SLC39A11: variants seen among roughly 807,000 people sequenced by gnomAD.
SLC39A11 encodes solute carrier family 39 member 11.
SLC39A11 carries 33 observed loss-of-function variants against 36.1 expected under a neutral mutation model. The observed-to-expected ratio is 0.91, with a 90% CI of 0.69 to 1.22. The LOEUF (loss-of-function observed/expected upper bound fraction) is 1.22, where lower values mean the gene tolerates loss of function less well. Ranked by LOEUF, SLC39A11 falls within the 50% of genes most tolerant of loss-of-function variation. SLC39A11 has a pLI of 0.00. For missense variants in SLC39A11, 432 were observed against 430.3 expected (o/e 1.00, Z -0.03); for synonymous variants, 166 against 170.3 (o/e 0.97, Z 0.20).
chr17:72,968,876 C>T (rs185144823), intron 4 of SLC39A11, among the ~76,000 whole-genome samples: 14 of 152,142 alleles, frequency 9.2e-5, no homozygotes, highest in Middle Eastern at 3.4e-3. Flanking sequence ...TTTCTTTTGG[C>T]TAATTTCCCA....
chr17:72,707,900 T>C (rs772086893), intron 7 of SLC39A11, among the ~76,000 whole-genome samples: 2 of 152,256 alleles, frequency 1.3e-5, no homozygotes, highest in Non-Finnish European at 2.9e-5. Context: ...AAGGGTTTTA[T>C]CAGTAAGAGG....
intron 5 of SLC39A11, among the ~76,000 whole-genome samples, chr17:72,906,691 A>G (rs1350550579): frequency 1.3e-5 from 2 of 152,236 alleles, no homozygotes; most frequent in African/African-American, 4.8e-5. Flanking sequence ...AATCAGCATA[A>G]CATCCACTGG....
chr17:72,987,210 GCTTCTTGAGGCC>G (rs1229415317), intron 4 of SLC39A11, among the ~76,000 whole-genome samples: 1 of 152,200 alleles, frequency 6.6e-6, no homozygotes. Context: ...ATGATTGGAA[GCTTCTTGAGGCC>G]CTCCCCAGAA....
intron 7 of SLC39A11, among the ~76,000 whole-genome samples, chr17:72,708,130 T>C (rs2072967170): frequency 6.6e-6 from 1 of 152,236 alleles, no homozygotes; most frequent in African/African-American, 2.4e-5. Context: ...AATTCTCATG[T>C]GTGATGGTTA....
intron 7 of SLC39A11, among the ~76,000 whole-genome samples, chr17:72,728,253 C>T (rs1182459858): frequency 2.6e-5 from 4 of 152,072 alleles, no homozygotes; most frequent in Admixed American, 1.3e-4. Context: ...TGGAGGCCAG[C>T]CTGGGCAAAC....
intron 6 of SLC39A11, among the ~76,000 whole-genome samples, chr17:72,814,744 G>A (rs2077530591): frequency 6.6e-6 from 1 of 152,184 alleles, no homozygotes; most frequent in Non-Finnish European, 1.5e-5. Flanking sequence ...CCTGGGGCTG[G>A]GGGGACCCCA....
chr17:72,695,344 C>A (rs562305077), intron 7 of SLC39A11, among the ~76,000 whole-genome samples: 37 of 152,306 alleles, frequency 2.4e-4, no homozygotes, highest in Non-Finnish European at 4.7e-4. Flanking sequence ...TCTGCTCATC[C>A]AGGGAATAAG....
intron 5 of SLC39A11, among the ~76,000 whole-genome samples, chr17:72,932,292 T>TTTATTA (rs544893367): frequency 6.9e-6 from 1 of 144,372 alleles, no homozygotes; most frequent in Non-Finnish European, 1.5e-5. Flanking sequence ...GACCTGTTCT[T>TTTATTA]TTATTATTAT....
At chr17:72,867,668 G>C (rs2080370524) in intron 5 of SLC39A11, among the ~76,000 whole-genome samples, 1 of 151,934 alleles carries the variant, frequency 6.6e-6, no homozygotes, top group Non-Finnish European at 1.5e-5. Flanking sequence ...AAAATACGAG[G>C]AAGGAGTATA....
At chr17:73,004,748 A>G (rs922660956) in intron 4 of SLC39A11, among the ~76,000 whole-genome samples, 2 of 152,210 alleles carry the variant, frequency 1.3e-5, no homozygotes, top group African/African-American at 4.8e-5. Context: ...TCTCTCTGAG[A>G]AAAAGAGGCC....
intron 7 of SLC39A11, among the ~76,000 whole-genome samples, chr17:72,697,464 C>G (rs1044041081): frequency 1.3e-5 from 2 of 152,172 alleles, no homozygotes; most frequent in Non-Finnish European, 2.9e-5. Context: ...CCAGTAAGAT[C>G]AGGGACAGAG....
chr17:73,003,929 T>C (rs1284372418), intron 4 of SLC39A11, among the ~76,000 whole-genome samples: 4 of 151,698 alleles, frequency 2.6e-5, no homozygotes, highest in Non-Finnish European at 5.9e-5. Context: ...CTACTAAAAA[T>C]ACAGAAATTA....
At chr17:72,989,474 T>C (rs2089011403) in intron 4 of SLC39A11, among the ~76,000 whole-genome samples, 1 of 152,256 alleles carries the variant, frequency 6.6e-6, no homozygotes, top group Non-Finnish European at 1.5e-5. Flanking sequence ...TTGTTTATAC[T>C]ATCCCAGGAT....
chr17:72,959,325 G>GTGTGTGTGTGTGTGTGTGTGTGTATA (rs1436484912), intron 4 of SLC39A11, among the ~76,000 whole-genome samples: 1 of 65,546 alleles, frequency 1.5e-5, no homozygotes, highest in African/African-American at 6.9e-5. Context: ...GTGTGTGTGT[G>GTGTGTGTGTGTGTGTGTGTGTGTATA]TATATATATA....
intron 4 of SLC39A11, among the ~76,000 whole-genome samples, chr17:72,990,757 G>A (rs890274612): frequency 1.2e-4 from 18 of 150,480 alleles, no homozygotes; most frequent in African/African-American, 2.9e-4. Flanking sequence ...AATTCTCCCC[G>A]ACCAACACAC....
chr17:72,897,983 T>C lies in SLC39A11; in HGVS notation c.431-48179A>G, dbSNP rs534666113. Among the ~76,000 whole-genome samples the C allele has an allele frequency of 3.2e-4, 49 of 151,632 alleles. 1 individual carries two copies. The highest frequency in any genetic ancestry group is 3.2e-3 in the Admixed American group (48 of 15,220). On this transcript the variant is annotated intron_variant, in intron 5 of 9. Transcript: ENST00000255559. ...TGGGGGAACAGGATCCACAGAAACG[T>C]AGGAGAGTCTGGAAAAACCCCAGTC... is the stretch of plus-strand genomic sequence containing the variant.
intron 5 of SLC39A11, among the ~76,000 whole-genome samples, chr17:72,882,029 T>C (rs1386135784): frequency 6.6e-6 from 1 of 152,174 alleles, no homozygotes; most frequent in African/African-American, 2.4e-5. Flanking sequence ...CTCCAGAATA[T>C]GACATTCTGG....
intron 5 of SLC39A11, among the ~76,000 whole-genome samples, chr17:72,945,773 C>T (rs2085395948): frequency 6.6e-6 from 1 of 152,194 alleles, no homozygotes; most frequent in Non-Finnish European, 1.5e-5. Flanking sequence ...CAAGAAGACC[C>T]AGCAGTACCC....
At chr17:72,927,944 G>A (rs868426508) in intron 5 of SLC39A11, among the ~76,000 whole-genome samples, 1 of 152,052 alleles carries the variant, frequency 6.6e-6, no homozygotes, top group South Asian at 2.1e-4. Flanking sequence ...ATATAGCACA[G>A]TCCAAAGTAC....
Sources: gnomAD v4.1 joint callset for allele counts (sites outside exome capture counted in the v4.1 genomes callset) on GRCh38, gnomAD v4.1.1 for gene constraint, MANE v1.5 for transcripts, NCBI Gene and HGNC (gene_info 2026-07-23, HGNC 2026-07-21) for gene names.